Variants in ASIP observed in about 807,000 individuals in gnomAD.
ASIP encodes agouti signaling protein.
ASIP carries 11 observed loss-of-function variants against 10.3 expected under a neutral mutation model. The observed-to-expected ratio is 1.07, with a 90% CI of 0.68 to 1.78. ASIP has a LOEUF of 1.78. Ranked by LOEUF, ASIP falls within the 40% of genes most tolerant of loss-of-function variation. The pLI, the probability that ASIP is intolerant of heterozygous loss-of-function variation, is 0.00. For missense variants in ASIP, 180 were observed against 169.2 expected (o/e 1.06, Z -0.35); for synonymous variants, 70 against 70.8 (o/e 0.99, Z 0.06).
rs543376650 is a variant in ASIP at position 34,198,080 on chromosome 20, C to T, written c.-11+3320C>T. ...AATTTTTTTTTTTTTTTTTTTGAGA[C>T]GGAGTCTCACTCTGCCACTCAGGCT... On this transcript the variant is annotated intron_variant, in intron 1 of 3. Coordinates refer to the ASIP transcript ENST00000568305. 3.6e-5 allele frequency among the ~76,000 whole-genome samples: 5 copies of T among 139,426 alleles called. No homozygotes were observed. The South Asian group carries it at 9.0e-4, about 25-fold the overall frequency. 91.5% of individuals were successfully genotyped at this position (139,426 alleles called of 152,430 possible).
At chr20:34,223,051 C>A (rs1390995455) in intron 1 of ASIP, among the ~76,000 whole-genome samples, 6 of 152,072 alleles carry the variant, frequency 3.9e-5, no homozygotes, top group Admixed American at 3.9e-4. Flanking sequence ...GGCCGCCACC[C>A]CGTCTGGGAA....
At chr20:34,255,387 G>A (rs2035549878) in intron 1 of ASIP, among the ~76,000 whole-genome samples, 1 of 151,924 alleles carries the variant, frequency 6.6e-6, no homozygotes, top group Admixed American at 6.6e-5. Flanking sequence ...AACCTCCCAG[G>A]TTCAAGCAAT....
intron 1 of ASIP, among the ~76,000 whole-genome samples, chr20:34,199,533 CTTTAT>C (rs1454764303): frequency 2.0e-5 from 3 of 152,102 alleles, no homozygotes; most frequent in African/African-American, 7.2e-5. Flanking sequence ...TGGAATGCTT[CTTTAT>C]TTTAATTTTT....
chr20:34,233,061 G>A (rs1738518582), intron 1 of ASIP, among the ~76,000 whole-genome samples: 1 of 149,254 alleles, frequency 6.7e-6, no homozygotes, highest in South Asian at 2.1e-4. Flanking sequence ...CCCAGTAGCT[G>A]TAACTTCACC....
intron 1 of ASIP, among the ~76,000 whole-genome samples, chr20:34,255,119 C>T (rs1463143658): frequency 6.6e-6 from 1 of 152,136 alleles, no homozygotes; most frequent in East Asian, 1.9e-4. Flanking sequence ...CTTGTACCTA[C>T]ATTATGAAGT....
chr20:34,201,036 CTT>C (rs1438925735), intron 1 of ASIP, among the ~76,000 whole-genome samples: 1 of 112,604 alleles, frequency 8.9e-6, no homozygotes, highest in Non-Finnish European at 1.9e-5. Flanking sequence ...TTCTTTCTTT[CTT>C]TCTTTCTTTC....
At chr20:34,233,292 C>T (rs1649432638) in intron 1 of ASIP, among the ~76,000 whole-genome samples, 1 of 151,972 alleles carries the variant, frequency 6.6e-6, no homozygotes, top group African/African-American at 2.4e-5. Flanking sequence ...GGACTACAGG[C>T]ACCCACCACC....
chr20:34,267,426 C>T (rs2035804077), intron 3 of ASIP, among the ~76,000 whole-genome samples: 1 of 120,790 alleles, frequency 8.3e-6, no homozygotes, highest in Admixed American at 1.0e-4. Flanking sequence ...AATCTCAGCA[C>T]TTTGGGAGGG....
chr20:34,207,503 T>A (rs1348330376), intron 1 of ASIP, among the ~76,000 whole-genome samples: 2 of 152,210 alleles, frequency 1.3e-5, no homozygotes, highest in Non-Finnish European at 2.9e-5. Context: ...ATGGATTGTT[T>A]CCTTTGCTGT....
intron 1 of ASIP, among the ~76,000 whole-genome samples, chr20:34,210,380 G>A (rs917434282): frequency 1.3e-5 from 2 of 152,228 alleles, no homozygotes; most frequent in African/African-American, 4.8e-5. Context: ...TGGCAGGTGT[G>A]GAAGCTGCTT....
At chr20:34,190,402 G>C (rs1263438758), upstream of ASIP, among the ~76,000 whole-genome samples, 1 of 152,166 alleles carries the variant, frequency 6.6e-6, no homozygotes, top group African/African-American at 2.4e-5. Context: ...CCACTCTAGA[G>C]TGTAGTCCTT....
At chr20:34,263,401 C>T (rs913396929) in intron 3 of ASIP, among the ~76,000 whole-genome samples, 2 of 152,098 alleles carry the variant, frequency 1.3e-5, no homozygotes, top group African/African-American at 4.8e-5. Flanking sequence ...CCCGTCTCTA[C>T]TAAAAATACA....
At chr20:34,268,746 A>AAAAC (rs572384664) in intron 3 of ASIP, among the ~76,000 whole-genome samples, 1 of 148,082 alleles carries the variant, frequency 6.8e-6, no homozygotes, top group African/African-American at 2.5e-5. Flanking sequence ...AAAAAAACAA[A>AAAAC]AAACAAACAA....
intron 1 of ASIP, among the ~76,000 whole-genome samples, chr20:34,217,958 T>G (rs2035021321): frequency 6.6e-6 from 1 of 152,236 alleles, no homozygotes; most frequent in Non-Finnish European, 1.5e-5. Context: ...AGTCTCACCT[T>G]ACTTGGCTTC....
chr20:34,215,354 T>G, intron 1 of ASIP: 1 of 1,573,764 alleles, frequency 6.4e-7, no homozygotes. Flanking sequence ...AGATTTGGAA[T>G]GCACTGTTCC....
intron 1 of ASIP, chr20:34,215,905 A>C: frequency 4.4e-6 from 4 of 904,840 alleles, no homozygotes; most frequent in Non-Finnish European, 7.5e-6. Flanking sequence ...TTGCTGCTAT[A>C]CTTGGAGTTT....
intron 1 of ASIP, chr20:34,213,376 T>C (rs2034986749): frequency 1.7e-6 from 1 of 595,036 alleles, no homozygotes; most frequent in Admixed American, 2.9e-5. Context: ...AGACAGAAAG[T>C]TAATGCCAGA....
chr20:34,214,241 C>T lies in ASIP; in HGVS notation c.-11+19481C>T. The T allele has an allele frequency of 2.9e-6, 4 of 1,393,842 alleles. No homozygotes were observed. The South Asian group carries it at 4.6e-5, about 16-fold the overall frequency. 86.3% of individuals were successfully genotyped at this position (1,393,842 alleles called of 1,614,324 possible). A position where few individuals can be genotyped will look rare whatever the true frequency, so the allele number is the denominator to read the frequency against. On this transcript the variant is annotated intron_variant, in intron 1 of 3. Transcript: ENST00000568305. ...TAGAAAACAGGTAAGCCATCTTGCT[C>T]TGAACTTTTGCACTGGAATGACGCA...
rs551494077 is a variant in ASIP, at chr20:34,235,866, AAAGGAAGGAAGG to A, written c.-10-24476_-10-24465del. Among the ~76,000 whole-genome samples, 12 of 36,892 alleles carry A rather than the reference AAAGGAAGGAAGG, an allele frequency of 3.3e-4. 1 individual carries two copies. The highest frequency in any genetic ancestry group is 2.3e-3 in the East Asian group (3 of 1,278). The allele number at this position is 36,892 out of a possible 152,430, so 24.2% of individuals were successfully genotyped here. A position where few individuals can be genotyped will look rare whatever the true frequency, so the allele number is the denominator to read the frequency against. The stretch of plus-strand genomic sequence containing the variant: ...GAAGGAAGGAAGGAAGGAAGGAAGG[AAAGGAAGGAAGG>A]AAGGAAGGAAGGAAGGAAGGAAAGG... On this transcript the variant is annotated intron_variant, in intron 1 of 3. Transcript: ENST00000568305.
Sources: allele counts gnomAD v4.1 joint callset (sites outside exome capture counted in the v4.1 genomes callset), GRCh38; gene constraint gnomAD v4.1.1; transcripts MANE v1.5; gene names NCBI Gene and HGNC (gene_info 2026-07-23, HGNC 2026-07-21).